CREBRF: variants seen among roughly 807,000 people sequenced by gnomAD.
CREBRF encodes UPF0474 protein C5orf41.
CREBRF carries 5 observed loss-of-function variants against 66.1 expected under a neutral mutation model. That is an observed-to-expected ratio of 0.08 (90% CI 0.04 to 0.16). The LOEUF (loss-of-function observed/expected upper bound fraction) is 0.16, where lower values mean the gene tolerates loss of function less well. CREBRF is among the 10% of genes least tolerant of loss of function. The pLI, the probability that CREBRF is intolerant of heterozygous loss-of-function variation, is 1.00. For missense variants in CREBRF, 531 were observed against 744.9 expected, an observed-to-expected ratio of 0.71 and a Z score of 3.34; for synonymous variants, 229 against 264.4, an observed-to-expected ratio of 0.87 and a Z score of 1.30.
chr5:173,059,256 C>CTTTTTTTTTTTT lies in CREBRF; in HGVS notation c.-192+2785_-192+2786insTTTTTTTTTTTT, dbSNP rs780723745. On this transcript the variant is annotated intron_variant, in intron 1 of 8. Coordinates refer to ENST00000296953, the MANE Select transcript of CREBRF (RefSeq NM_153607.3). ...AGCTTATTTATCAGTTCTTCTTTTT[C>CTTTTTTTTTTTT]TTTTTTTTCTTTTTTTTTTTTTTTT... Among the ~76,000 whole-genome samples the CTTTTTTTTTTTT allele has an allele frequency of 6.1e-4, 72 of 117,630 alleles. 6 individuals carry two copies. Among genetic ancestry groups the CTTTTTTTTTTTT allele is most frequent in the African/African-American group, 1.9e-3 (58 of 31,300 alleles). 77.2% of individuals were successfully genotyped at this position (117,630 alleles called of 152,430 possible).
chr5:173,098,033 G>A (rs1758520486), intron 4 of CREBRF, among the ~76,000 whole-genome samples: 1 of 150,714 alleles, frequency 6.6e-6, no homozygotes, highest in Non-Finnish European at 1.5e-5. Context: ...TCTTGGATTT[G>A]CTTTTGCTTT....
chr5:173,107,914 A>G (rs1758787446), intron 4 of CREBRF, among the ~76,000 whole-genome samples: 1 of 149,210 alleles, frequency 6.7e-6, no homozygotes, highest in Admixed American at 6.8e-5. Context: ...TCACTGCAAC[A>G]TCCGCCTCCT....
chr5:173,083,518 CAAG>C (rs1478479544), intron 2 of CREBRF, among the ~76,000 whole-genome samples: 2 of 152,036 alleles, frequency 1.3e-5, no homozygotes. Flanking sequence ...CTGGTCTTAC[CAAG>C]GAGATTTTTG....
Position 173,091,462 on chromosome 5 carries a change from G to T in CREBRF, c.1222+61G>T. The T allele has an allele frequency of 3.2e-6, 5 of 1,545,626 alleles. No individual in the cohort carries two copies. In the South Asian group the frequency reaches 3.8e-5, roughly 12 times the overall value. On this transcript the variant is annotated intron_variant, in intron 4 of 8. Transcript: ENST00000296953. The stretch of plus-strand genomic sequence containing the variant: ...TTGTATTACTATTTTGAAATAGAAA[G>T]GTTTTTGTTTCTGTTTTGTTTGGAT...
intron 2 of CREBRF, among the ~76,000 whole-genome samples, chr5:173,082,898 G>C (rs1758001409): frequency 1.1e-5 from 1 of 92,314 alleles, no homozygotes; most frequent in South Asian, 4.1e-4. Context: ...GACGGAGCGA[G>C]ACTCTGTCTC....
At chr5:173,059,640 C>G (rs1191165722) in intron 1 of CREBRF, among the ~76,000 whole-genome samples, 1 of 147,216 alleles carries the variant, frequency 6.8e-6, no homozygotes, top group East Asian at 1.9e-4. Flanking sequence ...ATTAGTTTAA[C>G]AGAGAAGTAT....
intron 1 of CREBRF, among the ~76,000 whole-genome samples, chr5:173,075,723 T>C (rs1293747908): frequency 6.6e-6 from 1 of 151,972 alleles, no homozygotes; most frequent in Non-Finnish European, 1.5e-5. Flanking sequence ...CCCTGTTTCG[T>C]TGCCTCCTTG....
At chr5:173,069,732 A>C (rs1169934207) in intron 1 of CREBRF, among the ~76,000 whole-genome samples, 3 of 152,120 alleles carry the variant, frequency 2.0e-5, no homozygotes, top group Non-Finnish European at 4.4e-5. Context: ...AGCTTTTCTC[A>C]GTGTTAAAAG....
chr5:173,096,633 C>T (rs1758485686), intron 4 of CREBRF, among the ~76,000 whole-genome samples: 1 of 150,136 alleles, frequency 6.7e-6, no homozygotes, highest in Admixed American at 6.7e-5. Flanking sequence ...GCATCCTTAT[C>T]TTGTTCCTGG....
intron 1 of CREBRF, among the ~76,000 whole-genome samples, chr5:173,065,397 C>G (rs1391949977): frequency 1.3e-5 from 2 of 152,112 alleles, no homozygotes; most frequent in Non-Finnish European, 2.9e-5. Flanking sequence ...ACTTTGTCCT[C>G]TAATTCTCTT....
At chr5:173,070,686 A>C (rs985545885) in intron 1 of CREBRF, among the ~76,000 whole-genome samples, 7 of 152,170 alleles carry the variant, frequency 4.6e-5, no homozygotes, top group Non-Finnish European at 8.8e-5. Context: ...AATTAAAAAA[A>C]ATTCAGGAGT....
At chr5:173,087,672 G>GCA (rs1169518489) in intron 3 of CREBRF, among the ~76,000 whole-genome samples, 1 of 147,044 alleles carries the variant, frequency 6.8e-6, no homozygotes, top group Non-Finnish European at 1.5e-5. Flanking sequence ...TTCCAGTCTG[G>GCA]CAGACTGGAG....
chr5:173,129,599 C>T (rs1194513997), intron 8 of CREBRF, among the ~76,000 whole-genome samples: 1 of 151,484 alleles, frequency 6.6e-6, no homozygotes, highest in Non-Finnish European at 1.5e-5. Flanking sequence ...GTGATGCGAG[C>T]CTGTAATCCC....
chr5:173,078,150 A>T (rs1345639351), intron 1 of CREBRF, among the ~76,000 whole-genome samples: 2 of 152,218 alleles, frequency 1.3e-5, no homozygotes, highest in Admixed American at 1.3e-4. Context: ...ACCGTTTCCC[A>T]CACCAGCTGC....
intron 4 of CREBRF, among the ~76,000 whole-genome samples, chr5:173,098,125 C>T (rs538362285): frequency 6.6e-6 from 1 of 151,486 alleles, no homozygotes; most frequent in South Asian, 2.1e-4. Context: ...TTTCTTTGAC[C>T]CATTGGTTGT....
At position 173,091,138 on chromosome 5, in the gene CREBRF, C is replaced by A. The variant is rs769975959; in HGVS notation, c.959C>A (p.Ser320Tyr). Residue 320 changes from serine to tyrosine, a missense_variant, in exon 4 of 9, where the codon TCT (serine) becomes TAT (tyrosine). Coordinates refer to ENST00000296953, the MANE Select transcript of CREBRF (RefSeq NM_153607.3). ...GCAGCAGGAGAGAGCAGCAGTCTTT[C>A]TGCCAGTACATCAGTCTCAGATTCA... is the stretch of plus-strand genomic sequence containing the variant. Reference protein sequence around the residue: ...SLAAGESSSLSASTSVSDSSQ... With the variant: ...SLAAGESSSLYASTSVSDSSQ... The A allele has an allele frequency of 6.2e-7, 1 of 1,614,112 alleles. No homozygotes were observed. The highest frequency in any genetic ancestry group is 8.5e-7 in the Non-Finnish European group (1 of 1,180,054).
At chr5:173,093,645 T>G (rs915496815) in intron 4 of CREBRF, among the ~76,000 whole-genome samples, 1 of 152,152 alleles carries the variant, frequency 6.6e-6, no homozygotes, top group Non-Finnish European at 1.5e-5. Flanking sequence ...GCCTTCCAAG[T>G]AGCTAGGACC....
chr5:173,132,417 C>T (rs1759455302), intron 8 of CREBRF, among the ~76,000 whole-genome samples: 1 of 788 alleles, frequency 1.3e-3, no homozygotes, highest in African/African-American at 6.3e-3. Flanking sequence ...CCTCCCCTCC[C>T]CTCCCCTCCC....
chr5:173,105,036 C>T (rs1373373635), intron 4 of CREBRF, among the ~76,000 whole-genome samples: 15 of 152,098 alleles, frequency 9.9e-5, no homozygotes, highest in Admixed American at 6.5e-4. Context: ...CTGACTTAGT[C>T]CCAGCTGTGC....
Sources: allele counts gnomAD v4.1 joint callset (sites outside exome capture counted in the v4.1 genomes callset), GRCh38; gene constraint gnomAD v4.1.1; transcripts MANE v1.5; gene names NCBI Gene and HGNC (gene_info 2026-07-23, HGNC 2026-07-21).